Variants in DNAJB6 observed in about 807,000 individuals in gnomAD.
DNAJB6 encodes the protein dnaJ homolog subfamily B member 6.
Under a neutral mutation model 42.7 loss-of-function variants are expected in DNAJB6, and 16 were observed. The observed-to-expected ratio is 0.37, with a 90% CI of 0.25 to 0.57. DNAJB6 has a LOEUF of 0.57. Among genes scored for constraint, DNAJB6 ranks in the 20% least tolerant of loss-of-function variants. The pLI is 0.74. For synonymous variants in DNAJB6, 170 were observed against 163.5 expected (o/e 1.04, Z -0.30); for missense variants, 347 against 416.8 (o/e 0.83, Z 1.46).
intron 1 of DNAJB6, among the ~76,000 whole-genome samples, chr7:157,345,534 C>G (rs1798641051): frequency 6.6e-6 from 1 of 152,052 alleles, no homozygotes; most frequent in Non-Finnish European, 1.5e-5. Flanking sequence ...CCAGGCTGGT[C>G]TCAAGCTCTT....
chr7:157,416,912 C>T lies in DNAJB6; in HGVS notation c.*814C>T, dbSNP rs1298925572. On this transcript the variant is annotated 3_prime_UTR_variant, in exon 10 of 10. Transcript: ENST00000262177. Reference sequence around the variant, plus strand: ...TTGAACTCATGTTTCAGTTCGCGAACATTGACTCCTTACGAAAGTCACTTC... The same window carrying T: ...TTGAACTCATGTTTCAGTTCGCGAATATTGACTCCTTACGAAAGTCACTTC... The T allele has an allele frequency of 1.3e-5, 2 of 152,250 alleles. No homozygotes were observed. The highest frequency in any genetic ancestry group is 2.9e-5 in the Non-Finnish European group (2 of 68,050). 9.4% of individuals were successfully genotyped at this position (152,250 alleles called of 1,614,324 possible). A position where few individuals can be genotyped will look rare whatever the true frequency, so the allele number is the denominator to read the frequency against.
At chr7:157,395,351 T>C (rs897413581) in intron 8 of DNAJB6, among the ~76,000 whole-genome samples, 5 of 152,240 alleles carry the variant, frequency 3.3e-5, no homozygotes, top group Non-Finnish European at 7.3e-5. Flanking sequence ...CATTAACATA[T>C]CTAGTTCTGC....
At chr7:157,397,589 C>T (rs1801653212) in intron 8 of DNAJB6, among the ~76,000 whole-genome samples, 1 of 152,232 alleles carries the variant, frequency 6.6e-6, no homozygotes, top group Non-Finnish European at 1.5e-5. Context: ...CTCCTGTGTC[C>T]CCATGTGTGC....
chr7:157,409,889 G>A lies in DNAJB6; in HGVS notation c.786G>A (p.Pro262=), dbSNP rs1383321726. 4 of 1,533,876 alleles carry A rather than the reference G, an allele frequency of 2.6e-6. No homozygotes were observed. The highest frequency in any genetic ancestry group is 1.2e-5 in the South Asian group (1 of 83,840). ...CTGCCGGCCTCCGCCCGCCGAAGCC[G>A]CCCCGGCCTGCCTCGCTGCTGAGAC... ...AQPAGLRPPK[P]PRPASLLRHA... Residue 262 remains proline (P), a synonymous_variant, in exon 9 of 10, where the codon CCG becomes CCA. Coordinates refer to ENST00000262177, the MANE Select transcript of DNAJB6 (RefSeq NM_058246.4).
At chr7:157,395,982 C>T (rs1198431710) in intron 8 of DNAJB6, among the ~76,000 whole-genome samples, 5 of 139,136 alleles carry the variant, frequency 3.6e-5, no homozygotes, top group South Asian at 4.5e-4. Flanking sequence ...TAGTCTTACT[C>T]TGTCACCCAG....
chr7:157,366,743 T>C (rs539305116), intron 4 of DNAJB6, among the ~76,000 whole-genome samples, 182 bp downstream of exon 4: 32 of 152,204 alleles, frequency 2.1e-4, no homozygotes, highest in African/African-American at 7.7e-4. Flanking sequence ...TTTACGAGAC[T>C]AGAAGTATAT....
chr7:157,401,795 T>A (rs970238392), intron 8 of DNAJB6, among the ~76,000 whole-genome samples: 1 of 152,150 alleles, frequency 6.6e-6, no homozygotes, highest in African/African-American at 2.4e-5. Flanking sequence ...GCGGTGTGAG[T>A]GTGCCCTGAC....
intron 9 of DNAJB6, 150 bp downstream of exon 9, chr7:157,410,151 C>T: frequency 2.8e-6 from 4 of 1,407,140 alleles, no homozygotes; most frequent in South Asian, 3.1e-5. Context: ...GGTAGCCTCG[C>T]TCTGCTCCTC....
intron 1 of DNAJB6, among the ~76,000 whole-genome samples, chr7:157,338,356 A>T (rs1436612466): frequency 1.3e-5 from 2 of 148,278 alleles, no homozygotes; most frequent in Non-Finnish European, 3.0e-5. Flanking sequence ...TTTTCCTGAG[A>T]CGGAGTCTGT....
At chr7:157,372,115 TATG>T (rs1464583209) in intron 5 of DNAJB6, 7 of 152,778 alleles carry the variant, frequency 4.6e-5, no homozygotes, top group African/African-American at 1.2e-4. Flanking sequence ...GTGATTAAAT[TATG>T]ATAGTAGTCA....
chr7:157,343,418 G>A (rs766925554), intron 1 of DNAJB6, among the ~76,000 whole-genome samples: 121 of 152,068 alleles, frequency 8.0e-4, no homozygotes, highest in Non-Finnish European at 1.5e-3. Flanking sequence ...GCCCTCCAAA[G>A]TGCTGGGATT....
intron 6 of DNAJB6, 53 bp downstream of exon 6, chr7:157,382,430 T>TA: frequency 6.5e-7 from 1 of 1,538,864 alleles, no homozygotes; most frequent in Non-Finnish European, 8.7e-7. Flanking sequence ...TTAGTACTTA[T>TA]AAAATCATAA....
intron 6 of DNAJB6, 37 bp downstream of exon 6, chr7:157,382,414 C>T (rs1383849226): frequency 1.3e-6 from 2 of 1,507,406 alleles, no homozygotes; most frequent in Non-Finnish European, 8.9e-7. Flanking sequence ...GTTATCTTAA[C>T]AGCAGTTAGT....
chr7:157,390,785 T>G (rs1020018631), intron 8 of DNAJB6, among the ~76,000 whole-genome samples: 1 of 152,144 alleles, frequency 6.6e-6, no homozygotes, highest in South Asian at 2.1e-4. Flanking sequence ...GTGGGGGAGA[T>G]GTGGCTCCTG....
intron 8 of DNAJB6, among the ~76,000 whole-genome samples, chr7:157,405,678 G>A (rs1795740786): frequency 1.3e-5 from 2 of 152,234 alleles, no homozygotes; most frequent in Admixed American, 1.3e-4. Flanking sequence ...GACCGCACCA[G>A]GCCACATCCT....
At chr7:157,405,666 C>T (rs1230150801) in intron 8 of DNAJB6, among the ~76,000 whole-genome samples, 2 of 152,210 alleles carry the variant, frequency 1.3e-5, no homozygotes, top group Non-Finnish European at 2.9e-5. Flanking sequence ...GGGACCTTGA[C>T]AGACCGCACC....
intron 2 of DNAJB6, among the ~76,000 whole-genome samples, chr7:157,362,698 C>T (rs1799663440): frequency 6.6e-6 from 1 of 152,188 alleles, no homozygotes; most frequent in Non-Finnish European, 1.5e-5. Context: ...CTTGCTCAGT[C>T]TTGTCACTGT....
chr7:157,364,785 G>T (rs1383658472), intron 3 of DNAJB6, among the ~76,000 whole-genome samples: 1 of 152,168 alleles, frequency 6.6e-6, no homozygotes, highest in African/African-American at 2.4e-5. Context: ...TCTTTTGGGA[G>T]GTGTATGAGG....
rs1799080053 is a variant in DNAJB6 at position 157,353,092 on chromosome 7, A to AGTTTTAG, written c.-26-5455_-26-5454insGTTTTAG. Among the ~76,000 whole-genome samples the AGTTTTAG allele has an allele frequency of 5.3e-5, 8 of 149,608 alleles. No individual in the cohort carries two copies. In the East Asian group the frequency reaches 6.0e-4, roughly 11 times the overall value. On this transcript the variant is annotated intron_variant, in intron 1 of 9. Transcript: ENST00000262177. ...TGCCCTATCAAATTTTTTTTTTTTT[A>AGTTTTAG]ATTTTTAAAATTTTTCGTAGAGACA...
Sources: allele counts gnomAD v4.1 joint callset (sites outside exome capture counted in the v4.1 genomes callset), GRCh38; gene constraint gnomAD v4.1.1; transcripts MANE v1.5; gene names NCBI Gene and HGNC (gene_info 2026-07-23, HGNC 2026-07-21).